ELAVL2: variants seen among roughly 807,000 people sequenced by gnomAD.
The protein encoded by ELAVL2 is ELAV like RNA binding protein 2.
In ELAVL2, 4 loss-of-function variants were observed where a neutral mutation model predicts 34.6. The observed-to-expected ratio is 0.12, with a 90% confidence interval of 0.06 to 0.26. ELAVL2 has a LOEUF of 0.26. Among genes scored for constraint, ELAVL2 ranks in the 10% least tolerant of loss-of-function variants. ELAVL2 has a pLI of 1.00. For missense variants in ELAVL2, 432 were observed against 442.8 expected (o/e 0.98, Z 0.22); for synonymous variants, 193 against 154.8 (o/e 1.25, Z -1.83).
chr9:23,771,841 T>C (rs1250202531), intron 1 of ELAVL2, among the ~76,000 whole-genome samples: 1 of 152,200 alleles, frequency 6.6e-6, no homozygotes, highest in Non-Finnish European at 1.5e-5. Context: ...TATATACCTC[T>C]ACAATAGTAA....
chr9:23,714,050 T>C (rs559805698), intron 3 of ELAVL2, among the ~76,000 whole-genome samples: 1 of 152,216 alleles, frequency 6.6e-6, no homozygotes, highest in Non-Finnish European at 1.5e-5. Flanking sequence ...AGAGGAACCA[T>C]AAATGTTTTA....
intron 3 of ELAVL2, among the ~76,000 whole-genome samples, chr9:23,705,582 T>C (rs957253719): frequency 1.3e-5 from 2 of 152,220 alleles, no homozygotes; most frequent in Non-Finnish European, 2.9e-5. Context: ...CCAACCTTTT[T>C]GGTACCAGGG....
intron 5 of ELAVL2, among the ~76,000 whole-genome samples, chr9:23,698,674 G>A (rs1002452267): frequency 2.8e-5 from 4 of 145,134 alleles, no homozygotes; most frequent in Non-Finnish European, 4.6e-5. Context: ...ATTTAGACTC[G>A]AACTACAGAA....
At chr9:23,716,904 T>G (rs1193342835) in intron 3 of ELAVL2, among the ~76,000 whole-genome samples, 2 of 152,074 alleles carry the variant, frequency 1.3e-5, no homozygotes, top group South Asian at 2.1e-4. Context: ...ACTAGAACAG[T>G]GAGTTGAGGG....
chr9:23,788,138 A>G (rs933356744), intron 1 of ELAVL2, among the ~76,000 whole-genome samples: 1 of 152,224 alleles, frequency 6.6e-6, no homozygotes, highest in African/African-American at 2.4e-5. Flanking sequence ...ATGGGTATGA[A>G]TTTTAGGAAA....
At chr9:23,722,070 A>T (rs2043872551) in intron 3 of ELAVL2, among the ~76,000 whole-genome samples, 1 of 152,206 alleles carries the variant, frequency 6.6e-6, no homozygotes, top group Non-Finnish European at 1.5e-5. Context: ...TCTGGAAATA[A>T]AACATCCACA....
At chr9:23,767,561 A>G (rs1403844954) in intron 1 of ELAVL2, among the ~76,000 whole-genome samples, 1 of 152,156 alleles carries the variant, frequency 6.6e-6, no homozygotes, top group African/African-American at 2.4e-5. Flanking sequence ...TAGGTGGACC[A>G]CTTGAGGTCA....
intron 2 of ELAVL2, among the ~76,000 whole-genome samples, chr9:23,743,523 C>T (rs899647970): frequency 1.3e-5 from 2 of 152,134 alleles, no homozygotes; most frequent in African/African-American, 2.4e-5. Context: ...GCCGAATGAG[C>T]AGAGCACAGA....
chr9:23,814,681 G>T (rs1220502376), intron 1 of ELAVL2, among the ~76,000 whole-genome samples: 1 of 152,116 alleles, frequency 6.6e-6, no homozygotes, highest in African/African-American at 2.4e-5. Context: ...CTGGGAACAG[G>T]TTATAAAATC....
At chr9:23,793,995 T>A (rs1398543183) in intron 1 of ELAVL2, among the ~76,000 whole-genome samples, 1 of 152,160 alleles carries the variant, frequency 6.6e-6, no homozygotes, top group Non-Finnish European at 1.5e-5. Flanking sequence ...CATCAATGAC[T>A]CCACCTGTAT....
chr9:23,727,014 C>A (rs544997079), intron 3 of ELAVL2, among the ~76,000 whole-genome samples: 1 of 152,062 alleles, frequency 6.6e-6, no homozygotes, highest in African/African-American at 2.4e-5. Flanking sequence ...ATTACTCCCC[C>A]ACCCCCATGC....
intron 2 of ELAVL2, among the ~76,000 whole-genome samples, chr9:23,748,360 G>A (rs1232155252): frequency 6.6e-6 from 1 of 152,156 alleles, no homozygotes; most frequent in African/African-American, 2.4e-5. Flanking sequence ...TACACACTGT[G>A]TCCTGTGTCC....
chr9:23,718,766 A>G (rs915042628), intron 3 of ELAVL2, among the ~76,000 whole-genome samples: 2 of 152,212 alleles, frequency 1.3e-5, no homozygotes, highest in African/African-American at 2.4e-5. Context: ...CTTTAAGTCT[A>G]CCAAGATATT....
intron 1 of ELAVL2, among the ~76,000 whole-genome samples, chr9:23,789,061 A>G (rs2137131937): frequency 6.6e-6 from 1 of 152,304 alleles, no homozygotes; most frequent in African/African-American, 2.4e-5. Context: ...TATAGAGGGC[A>G]GTGTAAGAAT....
intron 4 of ELAVL2, among the ~76,000 whole-genome samples, chr9:23,702,405 G>T (rs1424853258): frequency 6.6e-6 from 1 of 152,138 alleles, no homozygotes; most frequent in South Asian, 2.1e-4. Flanking sequence ...AAATGGGAAA[G>T]GATAGCCAAG....
At chr9:23,731,469 A>C (rs190377400) in intron 2 of ELAVL2, among the ~76,000 whole-genome samples, 4 of 152,294 alleles carry the variant, frequency 2.6e-5, no homozygotes, top group African/African-American at 9.6e-5. Flanking sequence ...GAGAGGGCTT[A>C]ACAGGCAATA....
intron 2 of ELAVL2, among the ~76,000 whole-genome samples, chr9:23,734,330 T>A (rs2047308515): frequency 6.6e-6 from 1 of 152,228 alleles, no homozygotes; most frequent in African/African-American, 2.4e-5. Flanking sequence ...TTTTACTGTT[T>A]AATTGTAGCT....
chr9:23,762,086 A>G lies in ELAVL2; in HGVS notation c.149T>C (p.Met50Thr). 6.2e-7 allele frequency: 1 copy of G among 1,613,472 alleles called. No individual in the cohort carries two copies. Residue 50 changes from methionine (M) to threonine (T), a missense_variant, in exon 2 of 7, where the codon ATG (methionine) becomes ACG (threonine). Met to Thr is a moderately conservative substitution (Grantham distance 81). This residue lies in a region of ELAVL2 where 132 missense variants were observed against 118.3 expected (regional missense o/e 1.12). Transcript: ENST00000397312. ...GAGACTCTTTAGTTCCTCCTGTGTCATGTTCTGAGGAAGGTAGTTGACTAT... is the reference window on the plus strand; with the variant it reads ...GAGACTCTTTAGTTCCTCCTGTGTCGTGTTCTGAGGAAGGTAGTTGACTAT... ...NLIVNYLPQN[M>T]TQEELKSLFG...
chr9:23,801,162 C>CA (rs1210520312), intron 1 of ELAVL2, among the ~76,000 whole-genome samples: 1 of 152,146 alleles, frequency 6.6e-6, no homozygotes, highest in African/African-American at 2.4e-5. Context: ...GAAGTAGGTA[C>CA]ACGCACCCAG....
Sources: gnomAD v4.1 joint callset for allele counts (sites outside exome capture counted in the v4.1 genomes callset) on GRCh38, gnomAD v4.1.1 for gene constraint, gnomAD v4.1.1 regional missense constraint, MANE v1.5 for transcripts, NCBI Gene and HGNC (gene_info 2026-07-23, HGNC 2026-07-21) for gene names.